The following DOC2B variants were observed in gnomAD, a reference collection of about 807,000 sequenced individuals.
DOC2B encodes the protein double C2 domain beta.
DOC2B carries 21 observed loss-of-function variants against 28.9 expected under a neutral mutation model. The observed-to-expected ratio is 0.73, with a 90% CI of 0.52 to 1.05. The LOEUF (loss-of-function observed/expected upper bound fraction) is 1.05. DOC2B is among the 50% of genes least tolerant of loss of function. DOC2B has a pLI of 0.00. For synonymous variants in DOC2B, 194 were observed against 178.1 expected (o/e 1.09, Z -0.71); for missense variants, 384 against 421.1 (o/e 0.91, Z 0.77).
At chr17:162,044 T>G (rs1170022095) in intron 4 of DOC2B, 37 bp downstream of exon 4, 3 of 1,418,718 alleles carry the variant, frequency 2.1e-6, no homozygotes, top group East Asian at 2.5e-5. Context: ...GGAGTAGGGG[T>G]TGGGGAGGGA....
intron 2 of DOC2B, among the ~76,000 whole-genome samples, chr17:168,649 A>G (rs1271383182): frequency 1.2e-5 from 1 of 85,652 alleles, no homozygotes; most frequent in Non-Finnish European, 2.4e-5. Flanking sequence ...GTCTCACGAG[A>G]TCTCATGGTC....
At chr17:155,090 A>C (rs912127345) in intron 6 of DOC2B, among the ~76,000 whole-genome samples, 1 of 152,236 alleles carries the variant, frequency 6.6e-6, no homozygotes, top group Admixed American at 6.5e-5. Flanking sequence ...GGCTGGTCTC[A>C]AATTCCTGGG....
At chr17:177,958 T>C (rs909521575) in intron 1 of DOC2B, among the ~76,000 whole-genome samples, 1 of 152,254 alleles carries the variant, frequency 6.6e-6, no homozygotes, top group Non-Finnish European at 1.5e-5. Flanking sequence ...AACACGGGCA[T>C]GTGATCCAAT....
chr17:178,823 T>G (rs1162144313), intron 1 of DOC2B, among the ~76,000 whole-genome samples: 1 of 152,196 alleles, frequency 6.6e-6, no homozygotes. Flanking sequence ...GGGCAGCAAA[T>G]AGCATAACCC....
At chr17:160,782 G>C (rs900917572) in intron 5 of DOC2B, among the ~76,000 whole-genome samples, 2 of 152,166 alleles carry the variant, frequency 1.3e-5, no homozygotes, top group Non-Finnish European at 2.9e-5. Context: ...GTAGCTGCTG[G>C]AGCAGGCCGA....
chr17:170,605 A>T (rs535934062), intron 2 of DOC2B, among the ~76,000 whole-genome samples: 1 of 152,046 alleles, frequency 6.6e-6, no homozygotes, highest in African/African-American at 2.4e-5. Context: ...TACTAGGGAG[A>T]CTCTACTGGC....
chr17:159,776 G>T (rs1567531426), intron 5 of DOC2B, among the ~76,000 whole-genome samples: 1 of 152,154 alleles, frequency 6.6e-6, no homozygotes, highest in Non-Finnish European at 1.5e-5. Flanking sequence ...CACGCACAGG[G>T]ACGCACATGC....
chr17:156,339 G>A lies in DOC2B; in HGVS notation c.804C>T (p.Gly268=), dbSNP rs2040135432. ...KTEDKSLEER[G]RILISLKYSS... The stretch of plus-strand genomic sequence containing the variant: ...TGTACTTGAGGGAGATGAGGATGCG[G>A]CCCCGCTCCTCCAGGGACTTGTCTT... The change falls in exon 6 of 9, where the codon GGC becomes GGT. Residue 268 remains glycine, a synonymous_variant. Coordinates refer to ENST00000613549, the MANE Select transcript of DOC2B (RefSeq NM_003585.5). 3 of 1,551,372 alleles carry A rather than the reference G, an allele frequency of 1.9e-6. No homozygotes were observed. Among genetic ancestry groups the A allele is most frequent in the Non-Finnish European group, 2.6e-6 (3 of 1,146,952 alleles).
At chr17:172,459 T>A in intron 2 of DOC2B, 78 bp downstream of exon 2, 2 of 1,168,560 alleles carry the variant, frequency 1.7e-6, no homozygotes, top group Non-Finnish European at 1.2e-6. Flanking sequence ...TGGGGAGTGG[T>A]GTGGTCTGGC....
Position 147,023 on chromosome 17 carries a change from C to G in DOC2B, c.*418G>C, listed in dbSNP as rs912664426. 1 of 168,212 alleles carries G rather than the reference C, an allele frequency of 5.9e-6. No homozygotes were observed. The highest frequency in any genetic ancestry group is 1.7e-4 in the East Asian group (1 of 5,972). The allele number at this position is 168,212 out of a possible 1,614,324, so 10.4% of individuals were successfully genotyped here. A position where few individuals can be genotyped will look rare whatever the true frequency, so the allele number is the denominator to read the frequency against. On this transcript the variant is annotated 3_prime_UTR_variant, in exon 9 of 9. Coordinates refer to ENST00000613549, the MANE Select transcript of DOC2B (RefSeq NM_003585.5). ...GCTTTCTTGGGCTGGAGCAGCCAGT[C>G]TTCAAGGTCCCATCCTCCACCTGTC...
intron 3 of DOC2B, among the ~76,000 whole-genome samples, chr17:162,513 A>T (rs568415809): frequency 6.6e-6 from 1 of 152,344 alleles, no homozygotes; most frequent in Admixed American, 6.5e-5. Context: ...GGAAGGGGCC[A>T]CAAGCCCAGG....
chr17:152,448 G>C (rs1416724261), intron 6 of DOC2B, among the ~76,000 whole-genome samples: 1 of 152,166 alleles, frequency 6.6e-6, no homozygotes, highest in Non-Finnish European at 1.5e-5. Context: ...ACTGGGGCAA[G>C]TATCACCAGA....
intron 2 of DOC2B, among the ~76,000 whole-genome samples, chr17:170,352 T>C (rs2040297854): frequency 6.6e-6 from 1 of 152,138 alleles, no homozygotes; most frequent in Admixed American, 6.5e-5. Context: ...CTTGCGTGGA[T>C]GGCACTCACA....
Position 149,919 on chromosome 17 carries a change from A to T in DOC2B, c.924-727T>A, listed in dbSNP as rs931978759. Among the ~76,000 whole-genome samples, 1,496 of 152,336 alleles carry T rather than the reference A, an allele frequency of 9.8e-3. 25 individuals carry two copies. The highest frequency in any genetic ancestry group is 0.034 in the African/African-American group (1,422 of 41,564). The stretch of plus-strand genomic sequence containing the variant: ...CTTTAGTAGACTCCCAGAGTTGTAC[A>T]TCCATCACCACTACCTCCATTGGAG... On this transcript the variant is annotated intron_variant, in intron 6 of 8. Coordinates refer to ENST00000613549, the MANE Select transcript of DOC2B (RefSeq NM_003585.5).
intron 6 of DOC2B, 95 bp from the exon 7 acceptor site, chr17:149,287 G>A: frequency 2.5e-6 from 1 of 398,582 alleles, no homozygotes; most frequent in East Asian, 3.6e-5. Flanking sequence ...TGTCCCTGGA[G>A]AGAGATTCCT....
intron 5 of DOC2B, among the ~76,000 whole-genome samples, chr17:157,115 G>A (rs893450950): frequency 2.0e-5 from 3 of 152,210 alleles, no homozygotes; most frequent in African/African-American, 7.2e-5. Context: ...GCCCTTCACG[G>A]GTCTGCAGCC....
chr17:173,371 T>C lies in DOC2B; in HGVS notation c.374-755A>G, dbSNP rs2040334568. ...TGATGGTTGGGGCAGAGCTTGGAGA[T>C]GATGGTGGGGGGCAGAGCTTAGTGG... On this transcript the variant is annotated intron_variant, in intron 1 of 8. Coordinates refer to ENST00000613549, the MANE Select transcript of DOC2B (RefSeq NM_003585.5). Among the ~76,000 whole-genome samples the C allele has an allele frequency of 2.6e-5, 4 of 151,914 alleles. No homozygotes were observed. In the South Asian group the frequency reaches 8.3e-4, roughly 32 times the overall value.
chr17:163,912 C>T (rs1298125148), intron 3 of DOC2B, among the ~76,000 whole-genome samples: 1 of 152,156 alleles, frequency 6.6e-6, no homozygotes, highest in Non-Finnish European at 1.5e-5. Flanking sequence ...TCGTGAGGTC[C>T]CCAGGAGGCA....
intron 2 of DOC2B, among the ~76,000 whole-genome samples, chr17:169,514 A>T (rs1258866434): frequency 6.6e-6 from 1 of 152,084 alleles, no homozygotes; most frequent in Admixed American, 6.5e-5. Context: ...AGTAAAAAAA[A>T]GTGGTTGAGG....
Sources: allele counts gnomAD v4.1 joint callset (sites outside exome capture counted in the v4.1 genomes callset), GRCh38; gene constraint gnomAD v4.1.1; transcripts MANE v1.5; gene names NCBI Gene and HGNC (gene_info 2026-07-23, HGNC 2026-07-21).